The following PSD3 variants were observed in gnomAD, a reference collection of about 807,000 sequenced individuals.
PSD3 encodes the protein PH and SEC7 domain-containing protein 3.
Under a neutral mutation model 105.5 loss-of-function variants are expected in PSD3, and 49 were observed. That is an observed-to-expected ratio of 0.46 (90% CI 0.37 to 0.59). The LOEUF (loss-of-function observed/expected upper bound fraction) is 0.59, where lower values mean the gene tolerates loss of function less well. Among genes scored for constraint, PSD3 ranks in the 20% least tolerant of loss-of-function variants. The probability of loss-of-function intolerance (pLI) is 0.00; values close to 1 mark genes in which losing one functional copy is unlikely to be tolerated. For missense variants in PSD3, 1,561 were observed against 1,263.8 expected (o/e 1.24, Z -3.57); for synonymous variants, 557 against 457.8 (o/e 1.22, Z -2.77).
chr8:18,627,948 A>G (rs1231181410), intron 11 of PSD3, among the ~76,000 whole-genome samples: 1 of 152,038 alleles, frequency 6.6e-6, no homozygotes, highest in Non-Finnish European at 1.5e-5. Context: ...AAGGACATGA[A>G]GAAAAACATC....
chr8:18,609,643 C>T (rs1007246811), intron 11 of PSD3, among the ~76,000 whole-genome samples: 1 of 152,190 alleles, frequency 6.6e-6, no homozygotes, highest in Non-Finnish European at 1.5e-5. Flanking sequence ...GAAGGGAGTT[C>T]TGAAGTTCTA....
rs769018157 is a variant in PSD3, at chr8:18,799,370, G to GA, written c.2024-18dup. 1,275 of 1,563,168 alleles carry GA rather than the reference G, an allele frequency of 8.2e-4. 11 individuals carry two copies. The highest frequency in any genetic ancestry group is 1.7e-3 in the Middle Eastern group (10 of 5,974). ...GGACTCCATCTAAAGAAAGATACAAGAAAAAAAAGCATGAATTCGCTTTTC... is the reference window on the plus strand; with the variant it reads ...GGACTCCATCTAAAGAAAGATACAAGAAAAAAAAAGCATGAATTCGCTTTTC... On this transcript the variant is annotated splice_polypyrimidine_tract_variant and intron_variant, in intron 7 of 15. Transcript: ENST00000327040.
chr8:18,761,818 G>T (rs757719468), intron 9 of PSD3, among the ~76,000 whole-genome samples: 4 of 152,186 alleles, frequency 2.6e-5, no homozygotes, highest in South Asian at 2.1e-4. Flanking sequence ...GATGGGTGGA[G>T]CCAGTAGAAA....
chr8:18,536,187 T>G (rs1255761954), intron 15 of PSD3, among the ~76,000 whole-genome samples: 2 of 152,230 alleles, frequency 1.3e-5, no homozygotes, highest in Non-Finnish European at 2.9e-5. Flanking sequence ...TCATTTGTTC[T>G]AGATTCTGAC....
intron 9 of PSD3, among the ~76,000 whole-genome samples, chr8:18,677,716 C>T (rs1800136828): frequency 6.6e-6 from 1 of 152,110 alleles, no homozygotes; most frequent in African/African-American, 2.4e-5. Context: ...CACAGTAAAA[C>T]ATTAGAACAT....
chr8:18,876,731 C>A (rs983986131), intron 2 of PSD3, among the ~76,000 whole-genome samples: 2 of 152,056 alleles, frequency 1.3e-5, no homozygotes, highest in Admixed American at 6.5e-5. Flanking sequence ...TCTATATATA[C>A]CTAGGAGTGA....
At chr8:18,771,610 A>T in intron 8 of PSD3, among the ~76,000 whole-genome samples, 1 of 152,204 alleles carries the variant, frequency 6.6e-6, no homozygotes, top group East Asian at 1.9e-4. Flanking sequence ...CTTTTCCCCC[A>T]CCAAATTGTT....
At chr8:18,852,620 C>T (rs1261250266) in intron 4 of PSD3, among the ~76,000 whole-genome samples, 1 of 152,138 alleles carries the variant, frequency 6.6e-6, no homozygotes, top group Non-Finnish European at 1.5e-5. Context: ...CTCTCCCAGC[C>T]CCCGTTGCCA....
chr8:18,751,895 C>T (rs1428290278), intron 9 of PSD3, among the ~76,000 whole-genome samples: 15 of 148,786 alleles, frequency 1.0e-4, no homozygotes, highest in Non-Finnish European at 1.5e-5. Context: ...TAACTGGGAT[C>T]TGGACGCGGT....
At chr8:19,014,863 AAAGG>A (rs1827125361), upstream of PSD3, among the ~76,000 whole-genome samples, 1 of 152,170 alleles carries the variant, frequency 6.6e-6, no homozygotes, top group Non-Finnish European at 1.5e-5. The surrounding 1 kb of genome is among the most constrained non-coding windows in gnomAD (Gnocchi z 4.9). Context: ...TGCATCTATC[AAAGG>A]AAGCCTTGGA....
At chr8:18,995,913 T>C (rs1826055842) in intron 1 of PSD3, among the ~76,000 whole-genome samples, 1 of 151,938 alleles carries the variant, frequency 6.6e-6, no homozygotes, top group Admixed American at 6.6e-5. Flanking sequence ...CAAGACCAGA[T>C]TTGGGTGGGG....
chr8:18,750,339 C>T (rs1805372589), intron 9 of PSD3, among the ~76,000 whole-genome samples: 1 of 151,704 alleles, frequency 6.6e-6, no homozygotes, highest in Non-Finnish European at 1.5e-5. Context: ...TTCGTGGTCT[C>T]GCTGGCTCAG....
chr8:18,835,727 A>G (rs1406180693), intron 4 of PSD3, among the ~76,000 whole-genome samples: 1 of 152,212 alleles, frequency 6.6e-6, no homozygotes, highest in Non-Finnish European at 1.5e-5. Flanking sequence ...GGGGATGAAC[A>G]CTTCAAGGAG....
intron 11 of PSD3, among the ~76,000 whole-genome samples, chr8:18,602,255 T>C (rs891081867): frequency 6.6e-6 from 1 of 152,092 alleles, no homozygotes; most frequent in African/African-American, 2.4e-5. Flanking sequence ...AAGTACATGT[T>C]TACAAAATTT....
intron 9 of PSD3, among the ~76,000 whole-genome samples, chr8:18,727,290 T>A (rs2129429578): frequency 7.8e-6 from 1 of 127,884 alleles, no homozygotes; most frequent in Non-Finnish European, 1.5e-5. Context: ...TGAGCCGAGA[T>A]CGCACTACTG....
chr8:18,752,303 T>C (rs1398271413), intron 9 of PSD3, among the ~76,000 whole-genome samples: 1 of 149,292 alleles, frequency 6.7e-6, no homozygotes, highest in South Asian at 2.1e-4. Flanking sequence ...TAATGAGTAT[T>C]TGTTGAGTAT....
rs1563479166 is a variant in PSD3, at chr8:18,975,319, T to TAAAA, written c.21+38243_21+38244insTTTT. ...CTAGATAAACATTTTCTGAAATTTT[T>TAAAA]TTTTTTTTTTTTTTTGCCAATATGT... is the stretch of plus-strand genomic sequence containing the variant. On this transcript the variant is annotated intron_variant, in intron 1 of 15. Transcript: ENST00000327040. Among the ~76,000 whole-genome samples the TAAAA allele has an allele frequency of 2.6e-4, 32 of 120,774 alleles. 1 individual carries two copies. The highest frequency in any genetic ancestry group is 7.4e-4 in the African/African-American group (29 of 39,086). The allele number at this position is 120,774 out of a possible 152,430, so 79.2% of individuals were successfully genotyped here.
intron 4 of PSD3, among the ~76,000 whole-genome samples, chr8:18,864,022 T>A (rs1311835766): frequency 1.3e-5 from 2 of 151,780 alleles, no homozygotes; most frequent in African/African-American, 2.4e-5. Context: ...AAAAAAAAAA[T>A]CACTGTCCAA....
chr8:18,683,747 A>G (rs777210723), intron 9 of PSD3: 6 of 761,460 alleles, frequency 7.9e-6, no homozygotes, highest in East Asian at 7.3e-5. Flanking sequence ...ACAGCTGTCA[A>G]TAAGGTTCAA....
Sources: allele counts gnomAD v4.1 joint callset (sites outside exome capture counted in the v4.1 genomes callset), GRCh38; gene constraint gnomAD v4.1.1; non-coding constraint Gnocchi (gnomAD v3.1); transcripts MANE v1.5; gene names NCBI Gene and HGNC (gene_info 2026-07-23, HGNC 2026-07-21).